The following CFAP46 variants were observed in gnomAD, a reference collection of about 807,000 sequenced individuals.
CFAP46 encodes cilia and flagella associated protein 46, also known as cilia- and flagella-associated protein 46.
CFAP46 carries 245 observed loss-of-function variants against 325.7 expected under a neutral mutation model. The observed-to-expected ratio is 0.75, with a 90% CI of 0.68 to 0.84. The LOEUF (loss-of-function observed/expected upper bound fraction) is 0.84. CFAP46 is among the 40% of genes least tolerant of loss of function. CFAP46 has a pLI of 0.00. For synonymous variants in CFAP46, 1,523 were observed against 1,495.9 expected (o/e 1.02, Z -0.42); for missense variants, 3,346 against 3,543.0 (o/e 0.94, Z 1.41).
rs750846548 is a variant in CFAP46, at chr10:132,814,861, C to T, written c.7171G>A (p.Ala2391Thr). The change falls in exon 51 of 58, where the codon GCG becomes ACG. Residue 2391 changes from alanine (A) to threonine (T), a missense_variant. Ala to Thr is a moderately conservative substitution (Grantham distance 58). Transcript: ENST00000368586. ...CCACCCACCTTCCTGCCCTTCTTCG[C>T]TAGGCTTCTCTTTTTGGGGTCTCTG... Reference protein sequence around the residue: ...RSRDPKKRSLAKKGRKGSIPR... With the variant: ...RSRDPKKRSLTKKGRKGSIPR... The T allele has an allele frequency of 6.2e-7, 1 of 1,614,198 alleles. No individual in the cohort carries two copies. The highest frequency in any genetic ancestry group is 8.5e-7 in the Non-Finnish European group (1 of 1,180,030).
intron 9 of CFAP46, chr10:132,929,192 C>T (rs1849853504): frequency 5.5e-6 from 2 of 364,032 alleles, no homozygotes; most frequent in Non-Finnish European, 9.9e-6. Flanking sequence ...AAATTAGGCA[C>T]AATAAGATAT....
intron 29 of CFAP46, among the ~76,000 whole-genome samples, chr10:132,878,857 G>A (rs1029591585): frequency 3.3e-5 from 5 of 152,182 alleles, no homozygotes; most frequent in African/African-American, 1.2e-4. Flanking sequence ...TGCCCTGCTG[G>A]GGTGTAGCCT....
At chr10:132,926,758 T>C (rs765159064) in intron 9 of CFAP46, 92 bp from the exon 10 acceptor site, 13 of 919,260 alleles carry the variant, frequency 1.4e-5, no homozygotes, top group Non-Finnish European at 2.2e-5. Flanking sequence ...AAAATATTAC[T>C]GGGTAGAGGT....
rs1333263363 is a variant in CFAP46, at chr10:132,828,780, TTG to T, written c.7117+4576_7117+4577del. ...TGCGTGGCGTGCGGCCTCGTTTTTG[TTG>T]TGTTTCGTTCTGCACTTGGACGTCC... On this transcript the variant is annotated intron_variant, in intron 50 of 57. Coordinates refer to ENST00000368586, the MANE Select transcript of CFAP46 (RefSeq NM_001200049.3). This position sits in a 1 kb window ranked among gnomAD's most constrained non-coding sequence, Gnocchi z 4.9. 1.3e-5 allele frequency among the ~76,000 whole-genome samples: 2 copies of T among 152,144 alleles called. No individual in the cohort carries two copies. The highest frequency in any genetic ancestry group is 6.5e-5 in the Admixed American group (1 of 15,268).
At chr10:132,872,506 G>A (rs746535499) in intron 32 of CFAP46, 170 bp downstream of exon 32, 41 of 839,230 alleles carry the variant, frequency 4.9e-5, no homozygotes, top group Admixed American at 9.1e-5. Flanking sequence ...TAGTCCTCCC[G>A]TCCCAACCAA....
At chr10:132,890,816 C>T (rs1452234483) in intron 25 of CFAP46, among the ~76,000 whole-genome samples, 2 of 152,222 alleles carry the variant, frequency 1.3e-5, no homozygotes, top group Non-Finnish European at 1.5e-5. Flanking sequence ...TTAGTACTCA[C>T]CTTAGTAATT....
chr10:132,928,063 A>T (rs1417127180), intron 9 of CFAP46, among the ~76,000 whole-genome samples: 1 of 152,148 alleles, frequency 6.6e-6, no homozygotes, highest in East Asian at 1.9e-4. Flanking sequence ...GTGGGGGCAG[A>T]GTTGGGCCAC....
chr10:132,914,092 C>CTTGAGCCTCCT lies in CFAP46; in HGVS notation c.2121-835_2121-834insAGGAGGCTCAA, dbSNP rs1564799293. On this transcript the variant is annotated intron_variant, in intron 17 of 57. Transcript: ENST00000368586. ...GGCTGTGTCCAGCCACACTGCACCC[C>CTTGAGCCTCCT]GGCCCGAGGCTGTGTCCAGCCACAC... Among the ~76,000 whole-genome samples, 11 of 119,136 alleles carry CTTGAGCCTCCT rather than the reference C, an allele frequency of 9.2e-5. 1 individual carries two copies. In the East Asian group the frequency reaches 2.1e-3, roughly 22 times the overall value. 78.2% of individuals were successfully genotyped at this position (119,136 alleles called of 152,430 possible).
chr10:132,860,333 T>C, intron 37 of CFAP46, 84 bp downstream of exon 37: 1 of 1,031,462 alleles, frequency 9.7e-7, no homozygotes, highest in South Asian at 1.5e-5. Context: ...TGCATAGACT[T>C]GACGTATGGC....
At position 132,939,013 on chromosome 10, in the gene CFAP46, C is replaced by G. The variant is rs113076220; in HGVS notation, c.372-260G>C. Among the ~76,000 whole-genome samples, 29 of 152,188 alleles carry G rather than the reference C, an allele frequency of 1.9e-4. No homozygotes were observed. Among genetic ancestry groups the G allele is most frequent in the Non-Finnish European group, 4.4e-5 (3 of 68,028 alleles). The stretch of plus-strand genomic sequence containing the variant: ...CAGCGCAGGCCCGGCTGTGATGACC[C>G]GGCCACAGGCTCCCGAGTCCAGACC... On this transcript the variant is annotated intron_variant, in intron 4 of 57. Coordinates refer to ENST00000368586, the MANE Select transcript of CFAP46 (RefSeq NM_001200049.3). The surrounding 1 kb of genome is among the most constrained non-coding windows in gnomAD (Gnocchi z 4.6).
At chr10:132,916,736 C>T (rs1054671280) in intron 16 of CFAP46, 54 bp from the exon 17 acceptor site, 8 of 1,405,146 alleles carry the variant, frequency 5.7e-6, no homozygotes, top group Non-Finnish European at 6.5e-6. Flanking sequence ...GGGCCCAGCA[C>T]CAGATAGGAA....
intron 39 of CFAP46, among the ~76,000 whole-genome samples, chr10:132,854,523 G>A (rs564714883): frequency 6.6e-6 from 1 of 152,166 alleles, no homozygotes; most frequent in South Asian, 2.1e-4. Context: ...ATTTTTAGTG[G>A]AGATGGGGTT....
At chr10:132,936,322 A>C (rs1591101721) in intron 7 of CFAP46, among the ~76,000 whole-genome samples, 2 of 55,838 alleles carry the variant, frequency 3.6e-5, no homozygotes, top group Admixed American at 3.7e-4. Context: ...CGATCTCCTC[A>C]CTCCCCTCAC....
At chr10:132,881,082 G>A (rs748577021) in intron 27 of CFAP46, 50 bp from the exon 28 acceptor site, 93 of 1,482,260 alleles carry the variant, frequency 6.3e-5, no homozygotes, top group East Asian at 2.5e-4. Flanking sequence ...CCCTGAAGGC[G>A]TTCCTGACGC....
intron 32 of CFAP46, among the ~76,000 whole-genome samples, chr10:132,870,361 C>T (rs978028694): frequency 2.6e-5 from 4 of 152,062 alleles, no homozygotes; most frequent in African/African-American, 4.8e-5. Flanking sequence ...AACAGGCGCA[C>T]GTCTCTCACG....
In CFAP46 at chr10:132,887,097, TCCTCTCTCCTCTTTCA is replaced by T. The variant is rs796544299; in HGVS notation, c.3305-1154_3305-1139del. On this transcript the variant is annotated intron_variant, in intron 25 of 57. Transcript: ENST00000368586. The stretch of plus-strand genomic sequence containing the variant: ...TCCTCTCTCACTTCTCTCTCTCCTC[TCCTCTCTCCTCTTTCA>T]CCTCTCTCTCTCCTCTCCTCTGTCC... 8.5e-3 allele frequency among the ~76,000 whole-genome samples: 1,054 copies of T among 123,884 alleles called. 16 individuals carry two copies. Among genetic ancestry groups the T allele is most frequent in the African/African-American group, 0.047 (973 of 20,808 alleles). 81.3% of individuals were successfully genotyped at this position (123,884 alleles called of 152,430 possible).
chr10:132,900,127 T>A (rs970431114), intron 22 of CFAP46, among the ~76,000 whole-genome samples: 6 of 152,080 alleles, frequency 3.9e-5, no homozygotes, highest in Non-Finnish European at 5.9e-5. Context: ...GGCAGAATCA[T>A]TAACTGTTTT....
At chr10:132,811,703 A>G (rs1392055193) in intron 55 of CFAP46, among the ~76,000 whole-genome samples, 1 of 152,170 alleles carries the variant, frequency 6.6e-6, no homozygotes, top group East Asian at 1.9e-4. Flanking sequence ...GGCCTCTTCT[A>G]CTTTACTCAC....
chr10:132,889,687 C>T lies in CFAP46; in HGVS notation c.3304+2646G>A, dbSNP rs553124179. On this transcript the variant is annotated intron_variant, in intron 25 of 57. Coordinates refer to ENST00000368586, the MANE Select transcript of CFAP46 (RefSeq NM_001200049.3). This position sits in a 1 kb window ranked among gnomAD's most constrained non-coding sequence, Gnocchi z 6.0. ...AATTCACGGGCGGAGGCACTGCAGC[C>T]GGACCCCACCCCTCATGCATTCCTG... Among the ~76,000 whole-genome samples, 79 of 152,278 alleles carry T rather than the reference C, an allele frequency of 5.2e-4. No homozygotes were observed. The highest frequency in any genetic ancestry group is 4.2e-4 in the South Asian group (2 of 4,818).
Sources: allele counts gnomAD v4.1 joint callset (sites outside exome capture counted in the v4.1 genomes callset), GRCh38; gene constraint gnomAD v4.1.1; non-coding constraint Gnocchi (gnomAD v3.1); transcripts MANE v1.5; gene names NCBI Gene and HGNC (gene_info 2026-07-23, HGNC 2026-07-21).